Variants in DAPK1 observed in about 807,000 individuals in gnomAD.
The protein encoded by DAPK1 is death associated protein kinase 1.
In DAPK1, 56 loss-of-function variants were observed where a neutral mutation model predicts 144.9. The ratio of observed to expected loss-of-function variants is 0.39; its 90% CI spans 0.31 to 0.48. The LOEUF (loss-of-function observed/expected upper bound fraction) is 0.48, where lower values mean the gene tolerates loss of function less well. Among genes scored for constraint, DAPK1 ranks in the 20% least tolerant of loss-of-function variants. The pLI, the probability that DAPK1 is intolerant of heterozygous loss-of-function variation, is 0.95. For missense variants in DAPK1, 1,454 were observed against 1,875.4 expected (o/e 0.78, Z 4.15); for synonymous variants, 690 against 749.0 (o/e 0.92, Z 1.29).
At chr9:87,606,146 C>A (rs1432559998) in intron 3 of DAPK1, among the ~76,000 whole-genome samples, 3 of 152,178 alleles carry the variant, frequency 2.0e-5, no homozygotes, top group Non-Finnish European at 4.4e-5. Flanking sequence ...TTTGCAGATA[C>A]CTTAGGGGTA....
chr9:87,586,935 A>G (rs553093147), intron 2 of DAPK1, among the ~76,000 whole-genome samples: 1 of 152,384 alleles, frequency 6.6e-6, no homozygotes, highest in African/African-American at 2.4e-5. Context: ...TGGAATTCCA[A>G]GGACCAAGGC....
chr9:87,531,432 G>A lies in DAPK1; in HGVS notation c.62+32293G>A, dbSNP rs150338546. ...TTTGGGGAACCAGAATAAATAGAAA[G>A]AAGAATAGTTAGGACAGTGAGTCCA... On this transcript the variant is annotated intron_variant, in intron 2 of 25. Transcript: ENST00000408954. 5.3e-5 allele frequency among the ~76,000 whole-genome samples: 8 copies of A among 152,308 alleles called. No homozygotes were observed. The East Asian group carries it at 1.5e-3, about 29-fold the overall frequency.
Position 87,668,445 on chromosome 9 carries a change from A to G in DAPK1, c.1924-152A>G, listed in dbSNP as rs1242080417. On this transcript the variant is annotated intron_variant, in intron 18 of 25. Coordinates refer to ENST00000408954, the MANE Select transcript of DAPK1 (RefSeq NM_004938.4). ...CAAGTGAAATAAGGATTGCACAGCC[A>G]GAGAAACACACCGAGACGTGCTCTT... 9 of 673,582 alleles carry G rather than the reference A, an allele frequency of 1.3e-5. No homozygotes were observed. In the East Asian group the frequency reaches 2.3e-4, roughly 17 times the overall value. 41.7% of individuals were successfully genotyped at this position (673,582 alleles called of 1,614,324 possible). A position where few individuals can be genotyped will look rare whatever the true frequency, so the allele number is the denominator to read the frequency against.
At chr9:87,616,839 C>G (rs1178648797) in intron 3 of DAPK1, among the ~76,000 whole-genome samples, 1 of 152,204 alleles carries the variant, frequency 6.6e-6, no homozygotes, top group East Asian at 1.9e-4. Context: ...AACTGTTCTC[C>G]TTTTCTGTGG....
chr9:87,498,958 T>C lies in DAPK1; in HGVS notation c.-108-12T>C. The C allele has an allele frequency of 1.4e-6, 1 of 730,616 alleles. No homozygotes were observed. Among genetic ancestry groups the C allele is most frequent in the Admixed American group, 2.4e-5 (1 of 41,070 alleles). The allele number at this position is 730,616 out of a possible 1,614,324, so 45.3% of individuals were successfully genotyped here. A position where few individuals can be genotyped will look rare whatever the true frequency, so the allele number is the denominator to read the frequency against. On this transcript the variant is annotated splice_polypyrimidine_tract_variant and intron_variant, in intron 1 of 25. Transcript: ENST00000408954. Reference sequence around the variant, plus strand: ...TTTACTATTATTATTGCCTTTTTTTTTTCTTCAAAAGGACTGGAGACTGAT... The same window carrying C: ...TTTACTATTATTATTGCCTTTTTTTCTTCTTCAAAAGGACTGGAGACTGAT...
intron 16 of DAPK1, among the ~76,000 whole-genome samples, chr9:87,651,237 A>G (rs1430014539): frequency 6.6e-6 from 1 of 152,242 alleles, no homozygotes; most frequent in African/African-American, 2.4e-5. Flanking sequence ...CCATTGGAGT[A>G]TCAACAATTA....
intron 22 of DAPK1, chr9:87,698,442 G>C (rs993514403): frequency 2.1e-5 from 10 of 483,154 alleles, no homozygotes; most frequent in African/African-American, 2.0e-4. Context: ...TTTCCTTGTG[G>C]CCTAGGAGAT....
intron 2 of DAPK1, 66 bp from the exon 3 acceptor site, chr9:87,604,888 C>A: frequency 6.8e-7 from 1 of 1,469,300 alleles, no homozygotes; most frequent in Non-Finnish European, 9.4e-7. Flanking sequence ...CTGCACCATG[C>A]CACATCCTCA....
chr9:87,594,530 C>G (rs888303415), intron 2 of DAPK1, among the ~76,000 whole-genome samples: 2 of 152,178 alleles, frequency 1.3e-5, no homozygotes, highest in Non-Finnish European at 2.9e-5. Context: ...GGAACTGGGC[C>G]TAGAGGAAGG....
chr9:87,552,409 A>T (rs1193402270), intron 2 of DAPK1, among the ~76,000 whole-genome samples: 1 of 137,608 alleles, frequency 7.3e-6, no homozygotes. Flanking sequence ...ACGGGGCACC[A>T]CTTTCTGGAA....
chr9:87,535,466 GA>G (rs1825827945), intron 2 of DAPK1, among the ~76,000 whole-genome samples: 1 of 152,170 alleles, frequency 6.6e-6, no homozygotes, highest in Non-Finnish European at 1.5e-5. Flanking sequence ...CTGAACATTT[GA>G]AACTTGGTCT....
chr9:87,513,194 C>A (rs895705767), intron 2 of DAPK1, among the ~76,000 whole-genome samples: 3 of 152,222 alleles, frequency 2.0e-5, no homozygotes, highest in Non-Finnish European at 4.4e-5. Flanking sequence ...ATTTGCCCAT[C>A]ATTTATTCAT....
At chr9:87,647,475 A>G in intron 14 of DAPK1, 72 bp downstream of exon 14, 3 of 1,297,956 alleles carry the variant, frequency 2.3e-6, no homozygotes, top group Non-Finnish European at 3.4e-6. Flanking sequence ...GTGCTGGCCT[A>G]CCGTGTGCAT....
chr9:87,688,292 T>C (rs764078345), intron 21 of DAPK1, among the ~76,000 whole-genome samples: 227 of 152,378 alleles, frequency 1.5e-3, no homozygotes, highest in Non-Finnish European at 2.4e-3. Context: ...TATGGCTTCA[T>C]AGTATTTCAT....
At chr9:87,705,128 A>AATGTTCTG (rs944806877) in intron 25 of DAPK1, among the ~76,000 whole-genome samples, 3 of 151,688 alleles carry the variant, frequency 2.0e-5, no homozygotes, top group African/African-American at 7.3e-5. Context: ...ATAATAATAG[A>AATGTTCTG]ATGTTCTGAC....
At chr9:87,626,920 C>T (rs778907145) in intron 3 of DAPK1, among the ~76,000 whole-genome samples, 1 of 151,902 alleles carries the variant, frequency 6.6e-6, no homozygotes, top group African/African-American at 2.4e-5. Flanking sequence ...ACACCATACT[C>T]GTGATAGTGC....
At chr9:87,638,253 G>T (rs1829972712) in intron 4 of DAPK1, among the ~76,000 whole-genome samples, 172 bp downstream of exon 4, 1 of 152,162 alleles carries the variant, frequency 6.6e-6, no homozygotes, top group Non-Finnish European at 1.5e-5. Flanking sequence ...CCCCCCACTG[G>T]GATGGCTAAC....
At chr9:87,698,837 T>C (rs1278823935) in intron 23 of DAPK1, 43 bp downstream of exon 23, 5 of 1,312,304 alleles carry the variant, frequency 3.8e-6, no homozygotes, top group Admixed American at 1.7e-5. Flanking sequence ...GGTAGCCTCC[T>C]CTCCCTGAGA....
chr9:87,598,911 T>A (rs1828416104), intron 2 of DAPK1, among the ~76,000 whole-genome samples: 1 of 152,234 alleles, frequency 6.6e-6, no homozygotes, highest in Non-Finnish European at 1.5e-5. Context: ...CATGTTGTAC[T>A]TTTATTGCAT....
Sources: allele counts gnomAD v4.1 joint callset (sites outside exome capture counted in the v4.1 genomes callset), GRCh38; gene constraint gnomAD v4.1.1; transcripts MANE v1.5; gene names NCBI Gene and HGNC (gene_info 2026-07-23, HGNC 2026-07-21).